The following SIRPA variants were observed in gnomAD, a reference collection of about 807,000 sequenced individuals.
The protein encoded by SIRPA is signal regulatory protein alpha, also known as tyrosine-protein phosphatase non-receptor type substrate 1.
In SIRPA, 9 loss-of-function variants were observed where a neutral mutation model predicts 50.3. The observed-to-expected ratio is 0.18, with a 90% confidence interval of 0.11 to 0.31. SIRPA has a LOEUF of 0.31. Among genes scored for constraint, SIRPA ranks in the 10% least tolerant of loss-of-function variants. SIRPA has a pLI of 1.00. For synonymous variants in SIRPA, 265 were observed against 284.1 expected (o/e 0.93, Z 0.68); for missense variants, 474 against 661.6 (o/e 0.72, Z 3.11).
chr20:1,931,720 C>T (rs1239825384), intron 6 of SIRPA, among the ~76,000 whole-genome samples: 2 of 152,112 alleles, frequency 1.3e-5, no homozygotes, highest in African/African-American at 4.8e-5. Context: ...TCAAGGGGTT[C>T]TTCAGGTTGC....
chr20:1,914,362 C>G (rs1384079174), intron 1 of SIRPA, among the ~76,000 whole-genome samples: 1 of 152,210 alleles, frequency 6.6e-6, no homozygotes, highest in African/African-American at 2.4e-5. Context: ...GACGCTGTCC[C>G]CAGCCTTGGC....
intron 6 of SIRPA, among the ~76,000 whole-genome samples, chr20:1,929,946 CCT>C (rs769022005): frequency 5.3e-5 from 8 of 152,126 alleles, no homozygotes; most frequent in Admixed American, 3.9e-4. Flanking sequence ...CTAGCCACCC[CCT>C]GTCCTCACAT....
In SIRPA at chr20:1,928,922, A is replaced by T. The variant is rs1162998942; in HGVS notation, c.1226+1023A>T. 1.3e-5 allele frequency among the ~76,000 whole-genome samples: 2 copies of T among 152,198 alleles called. No homozygotes were observed. The highest frequency in any genetic ancestry group is 4.8e-5 in the African/African-American group (2 of 41,446). On this transcript the variant is annotated intron_variant, in intron 6 of 7. Transcript: ENST00000358771. This position sits in a 1 kb window ranked among gnomAD's most constrained non-coding sequence, Gnocchi z 4.9. ...CTCTGATCTTCATCCCCAGCAGAGC[A>T]GAGGCAGCACACCATCATCTGCCAT...
intron 1 of SIRPA, among the ~76,000 whole-genome samples, chr20:1,911,508 G>A (rs1984884654): frequency 1.3e-5 from 2 of 152,004 alleles, no homozygotes; most frequent in Non-Finnish European, 2.9e-5. Context: ...GGCTTGTTAC[G>A]GCTGCCTGTA....
intron 6 of SIRPA, among the ~76,000 whole-genome samples, chr20:1,930,925 G>A (rs1048524010): frequency 6.6e-6 from 1 of 152,144 alleles, no homozygotes; most frequent in Non-Finnish European, 1.5e-5. Flanking sequence ...TTACCTCCCC[G>A]ATTAGACAAT....
chr20:1,931,880 C>T (rs1413779789), intron 6 of SIRPA, among the ~76,000 whole-genome samples: 1 of 152,214 alleles, frequency 6.6e-6, no homozygotes, highest in African/African-American at 2.4e-5. Flanking sequence ...GCCATTTATT[C>T]ACTTGTCAGA....
chr20:1,906,992 G>T (rs191433175), intron 1 of SIRPA, among the ~76,000 whole-genome samples: 7 of 152,332 alleles, frequency 4.6e-5, no homozygotes, highest in Admixed American at 3.9e-4. Context: ...GAGGAAACAG[G>T]CTTAGAGAAA....
rs1370159839 is a variant in SIRPA at position 1,927,250 on chromosome 20, C to A, written c.1202-625C>A. On this transcript the variant is annotated intron_variant, in intron 5 of 7. Transcript: ENST00000358771. The surrounding 1 kb of genome is among the most constrained non-coding windows in gnomAD (Gnocchi z 6.5). The stretch of plus-strand genomic sequence containing the variant: ...AAATGGGAGTCAAACGGCTGCTGAA[C>A]CCTGGAGGCTTCTCTGTGGGTTACC... 6.6e-6 allele frequency among the ~76,000 whole-genome samples: 1 copy of A among 152,188 alleles called. No individual in the cohort carries two copies. Among genetic ancestry groups the A allele is most frequent in the Non-Finnish European group, 1.5e-5 (1 of 68,040 alleles).
In SIRPA at chr20:1,898,514, C is replaced by T. The variant is rs968970343; in HGVS notation, c.79+2988C>T. 1.3e-5 allele frequency among the ~76,000 whole-genome samples: 2 copies of T among 152,126 alleles called. No individual in the cohort carries two copies. Among genetic ancestry groups the T allele is most frequent in the Non-Finnish European group, 2.9e-5 (2 of 68,042 alleles). On this transcript the variant is annotated intron_variant, in intron 1 of 7. Transcript: ENST00000358771. This position sits in a 1 kb window ranked among gnomAD's most constrained non-coding sequence, Gnocchi z 4.3. ...CGGATGCTGCTCCTGCGTCGTCTCA[C>T]CCGCAAGACATGGATTGGCTCTTCT...
intron 1 of SIRPA, among the ~76,000 whole-genome samples, chr20:1,896,374 G>A (rs1326381483): frequency 1.3e-5 from 2 of 151,570 alleles, no homozygotes; most frequent in African/African-American, 4.9e-5. Context: ...GTTCACCAAA[G>A]GGTGAGGTCA....
At position 1,936,534 on chromosome 20, in the gene SIRPA, C is replaced by T. The variant is rs116227255; in HGVS notation, c.1267-786C>T. ...AAACCCAGGCTTTCTGACTCCAGAA[C>T]GTTTCCCGCTTCACTAACTGGCGAT... is the stretch of plus-strand genomic sequence containing the variant. On this transcript the variant is annotated intron_variant, in intron 7 of 7. Transcript: ENST00000358771. The surrounding 1 kb of genome is among the most constrained non-coding windows in gnomAD (Gnocchi z 4.2). Among the ~76,000 whole-genome samples, 839 of 152,276 alleles carry T rather than the reference C, an allele frequency of 5.5e-3. 8 individuals are homozygous for T. The highest frequency in any genetic ancestry group is 0.019 in the African/African-American group (809 of 41,550).
chr20:1,921,392 T>C lies in SIRPA; in HGVS notation c.437-3T>C. 1 of 1,612,592 alleles carries C rather than the reference T, an allele frequency of 6.2e-7. No individual in the cohort carries two copies. Among genetic ancestry groups the C allele is most frequent in the Non-Finnish European group, 8.5e-7 (1 of 1,178,666 alleles). On this transcript the variant is annotated splice_polypyrimidine_tract_variant and splice_region_variant and intron_variant, in intron 2 of 7. Transcript: ENST00000358771. ...CTCCTGATTATCGATGGTCCTTTTGTAGCCAAACCCTCTGCCCCCGTGGTA... is the reference window on the plus strand; with the variant it reads ...CTCCTGATTATCGATGGTCCTTTTGCAGCCAAACCCTCTGCCCCCGTGGTA...
chr20:1,924,785 G>C lies in SIRPA; in HGVS notation c.1109G>C (p.Arg370Pro). 6.2e-7 allele frequency: 1 copy of C among 1,614,096 alleles called. No homozygotes were observed. Among genetic ancestry groups the C allele is most frequent in the Non-Finnish European group, 8.5e-7 (1 of 1,180,016 alleles). Residue 370 changes from arginine to proline, a missense_variant, in exon 5 of 8, where the codon CGG (arginine) becomes CCG (proline). Physicochemically the swap from Arg to Pro is moderately radical, Grantham distance 103. Transcript: ENST00000358771. The surrounding 1 kb of genome is among the most constrained non-coding windows in gnomAD (Gnocchi z 4.5). ...TAAENTGSNERNIYIVVGVVC... is the reference protein window; with the variant it reads ...TAAENTGSNEPNIYIVVGVVC... ...CTAGAGAACACTGGATCTAATGAACGGAACATCTATATTGTGGTGGGTGTG... is the reference window on the plus strand; with the variant it reads ...CTAGAGAACACTGGATCTAATGAACCGAACATCTATATTGTGGTGGGTGTG...
chr20:1,929,991 C>G (rs1382036233), intron 6 of SIRPA, among the ~76,000 whole-genome samples: 2 of 152,108 alleles, frequency 1.3e-5, no homozygotes, highest in Non-Finnish European at 2.9e-5. Flanking sequence ...CTCCCCCCTT[C>G]CCTCCTCCCA....
chr20:1,927,784 C>G lies in SIRPA; in HGVS notation c.1202-91C>G. 8.9e-7 allele frequency: 1 copy of G among 1,117,882 alleles called. No individual in the cohort carries two copies. The highest frequency in any genetic ancestry group is 2.3e-5 in the East Asian group (1 of 42,644). 69.2% of individuals were successfully genotyped at this position (1,117,882 alleles called of 1,614,324 possible). On this transcript the variant is annotated intron_variant, in intron 5 of 7. Transcript: ENST00000358771. This position sits in a 1 kb window ranked among gnomAD's most constrained non-coding sequence, Gnocchi z 6.5. Reference sequence around the variant, plus strand: ...TGATTACAGCATTTCCTCTCCATGTCCCTGGAGGCAAACCTTTTGCCAAAA... The same window carrying G: ...TGATTACAGCATTTCCTCTCCATGTGCCTGGAGGCAAACCTTTTGCCAAAA...
intron 1 of SIRPA, among the ~76,000 whole-genome samples, chr20:1,897,157 A>C (rs1983882100): frequency 6.6e-6 from 1 of 152,188 alleles, no homozygotes; most frequent in African/African-American, 2.4e-5. Context: ...GGCTGGGAAC[A>C]CCAACACCTT....
chr20:1,914,975 C>A (rs112203261), intron 1 of SIRPA, 124 bp from the exon 2 acceptor site: 269,734 of 809,398 alleles, frequency 0.33, 50,671 homozygotes, highest in East Asian at 0.64. Context: ...GATACATGCA[C>A]TATACTGATC....
chr20:1,906,628 T>C (rs1275636242), intron 1 of SIRPA, among the ~76,000 whole-genome samples: 2 of 152,152 alleles, frequency 1.3e-5, no homozygotes, highest in Non-Finnish European at 2.9e-5. Flanking sequence ...CTGGGGCCAC[T>C]GTAAAAATTC....
At chr20:1,917,902 G>A (rs1219777654) in intron 2 of SIRPA, among the ~76,000 whole-genome samples, 2 of 152,194 alleles carry the variant, frequency 1.3e-5, no homozygotes, top group African/African-American at 2.4e-5. Flanking sequence ...AGAACTGCAT[G>A]AAGTCAGGGA....
Sources: gnomAD v4.1 joint callset for allele counts (sites outside exome capture counted in the v4.1 genomes callset) on GRCh38, gnomAD v4.1.1 for gene constraint, Gnocchi (gnomAD v3.1) non-coding constraint, MANE v1.5 for transcripts, NCBI Gene and HGNC (gene_info 2026-07-23, HGNC 2026-07-21) for gene names.